CNBD1: variants seen among roughly 807,000 people sequenced by gnomAD.
The protein encoded by CNBD1 is cyclic nucleotide binding domain containing 1.
Under a neutral mutation model 54.4 loss-of-function variants are expected in CNBD1, and 71 were observed. The ratio of observed to expected loss-of-function variants is 1.30; its 90% confidence interval spans 1.08 to 1.59. CNBD1 has a LOEUF of 1.59. Ranked by LOEUF, CNBD1 falls within the 40% of genes most tolerant of loss-of-function variation. CNBD1 has a pLI of 0.00. For synonymous variants in CNBD1, 182 were observed against 170.7 expected (o/e 1.07, Z -0.51); for missense variants, 659 against 518.0 (o/e 1.27, Z -2.64).
chr8:87,153,194 G>A (rs1812643294), intron 4 of CNBD1, among the ~76,000 whole-genome samples: 1 of 152,140 alleles, frequency 6.6e-6, no homozygotes, highest in Admixed American at 6.5e-5. Context: ...AATATTGAAA[G>A]GTGATGGAGA....
At chr8:87,092,455 ATATG>A (rs1411905207) in intron 4 of CNBD1, among the ~76,000 whole-genome samples, 7 of 135,608 alleles carry the variant, frequency 5.2e-5, no homozygotes, top group Admixed American at 4.2e-4. Context: ...ATATATACAC[ATATG>A]TGTGTGTGTG....
chr8:86,973,556 A>G (rs1242170604), intron 4 of CNBD1, among the ~76,000 whole-genome samples: 2 of 152,206 alleles, frequency 1.3e-5, no homozygotes, highest in Non-Finnish European at 2.9e-5. Flanking sequence ...TATTATTAGG[A>G]GTTAGCTCAT....
At chr8:86,936,794 G>A (rs1396562603) in intron 3 of CNBD1, among the ~76,000 whole-genome samples, 1 of 151,246 alleles carries the variant, frequency 6.6e-6, no homozygotes, top group African/African-American at 2.4e-5. Context: ...TAAAGAATTA[G>A]GTTACCAAAT....
At chr8:87,302,625 G>T (rs1280389477) in intron 8 of CNBD1, among the ~76,000 whole-genome samples, 1 of 151,880 alleles carries the variant, frequency 6.6e-6, no homozygotes, top group Non-Finnish European at 1.5e-5. Context: ...AGTGTTGGAA[G>T]TTCTGGCCAG....
rs552810651 is a variant in CNBD1, at chr8:86,981,789, G to T, written c.431+42035G>T. On this transcript the variant is annotated intron_variant, in intron 4 of 10. Transcript: ENST00000518476. ...CCATAGTATGGATATACTGTAATTTGTTCATCCATTAGACAAGTTATGGTC... is the reference window on the plus strand; with the variant it reads ...CCATAGTATGGATATACTGTAATTTTTTCATCCATTAGACAAGTTATGGTC... 7.2e-5 allele frequency among the ~76,000 whole-genome samples: 11 copies of T among 152,092 alleles called. No individual in the cohort carries two copies. In the South Asian group the frequency reaches 2.3e-3, roughly 32 times the overall value.
intron 5 of CNBD1, among the ~76,000 whole-genome samples, chr8:87,209,361 A>AT (rs1814045203): frequency 6.6e-6 from 1 of 152,174 alleles, no homozygotes; most frequent in South Asian, 2.1e-4. Context: ...ACATACAAAA[A>AT]TTAGTAGTGT....
intron 2 of CNBD1, chr8:87,428,493 A>ATTTG (rs2130999380): frequency 3.4e-6 from 1 of 296,960 alleles, no homozygotes. Flanking sequence ...TGCTCTTTTT[A>ATTTG]TGAAGATTAT....
chr8:87,010,401 T>C (rs1452122037), intron 4 of CNBD1, among the ~76,000 whole-genome samples: 3 of 152,180 alleles, frequency 2.0e-5, no homozygotes. Flanking sequence ...TACTAGGTTC[T>C]TTTTTTCTGT....
chr8:87,339,729 T>G (rs1810026885), intron 8 of CNBD1, among the ~76,000 whole-genome samples: 1 of 152,288 alleles, frequency 6.6e-6, no homozygotes, highest in South Asian at 2.1e-4. Flanking sequence ...ATAAAACACC[T>G]TATAGTTATA....
rs138474904 is a variant in CNBD1 at position 87,295,626 on chromosome 8, C to T, written c.1042+8955C>T. Among the ~76,000 whole-genome samples the T allele has an allele frequency of 7.7e-3, 1,174 of 152,128 alleles. 17 individuals are homozygous for T. Among genetic ancestry groups the T allele is most frequent in the African/African-American group, 0.027 (1,110 of 41,522 alleles). The stretch of plus-strand genomic sequence containing the variant: ...CTGAAGCTCTTTATAGAGCTCTTTT[C>T]TCTACCTCTTTCTACTTCTCACAAA... On this transcript the variant is annotated intron_variant, in intron 8 of 10. Coordinates refer to ENST00000518476, the MANE Select transcript of CNBD1 (RefSeq NM_173538.3).
intron 8 of CNBD1, among the ~76,000 whole-genome samples, chr8:87,337,064 G>T (rs1002192814): frequency 1.3e-5 from 2 of 152,128 alleles, no homozygotes. Flanking sequence ...GCAAAGATGG[G>T]TGCCTGCTCC....
chr8:87,344,977 T>A (rs548061769), intron 8 of CNBD1, among the ~76,000 whole-genome samples: 1 of 152,154 alleles, frequency 6.6e-6, no homozygotes, highest in Non-Finnish European at 1.5e-5. Flanking sequence ...ACATAGAAAC[T>A]TCTCCTTTTG....
chr8:86,946,913 C>A (rs539808596), intron 4 of CNBD1, among the ~76,000 whole-genome samples: 1 of 152,258 alleles, frequency 6.6e-6, no homozygotes, highest in African/African-American at 2.4e-5. Flanking sequence ...GACTTAGTTT[C>A]ACATACATGC....
chr8:86,962,832 A>G (rs1436005839), intron 4 of CNBD1, among the ~76,000 whole-genome samples: 2 of 152,180 alleles, frequency 1.3e-5, no homozygotes, highest in South Asian at 2.1e-4. Context: ...TAGAAATCTG[A>G]CTGGCAAGAA....
intron 6 of CNBD1, among the ~76,000 whole-genome samples, chr8:87,242,248 G>A (rs570952088): frequency 2.0e-4 from 30 of 152,180 alleles, no homozygotes; most frequent in South Asian, 1.2e-3. Flanking sequence ...TGTCTCTTGT[G>A]GGGAAAATCA....
chr8:87,086,132 A>G (rs1239838416), intron 4 of CNBD1, among the ~76,000 whole-genome samples: 1 of 152,086 alleles, frequency 6.6e-6, no homozygotes, highest in African/African-American at 2.4e-5. Context: ...AATGGGTTTG[A>G]ATTCTTGAAT....
At chr8:87,187,283 T>C (rs1039740175) in intron 4 of CNBD1, among the ~76,000 whole-genome samples, 1 of 152,058 alleles carries the variant, frequency 6.6e-6, no homozygotes, top group African/African-American at 2.4e-5. Context: ...TCTATCTACC[T>C]ATCTATCCAT....
chr8:87,040,258 T>C (rs1323559387), intron 4 of CNBD1, among the ~76,000 whole-genome samples: 3 of 152,210 alleles, frequency 2.0e-5, no homozygotes, highest in Admixed American at 6.5e-5. Context: ...TAATTTGGGC[T>C]ATGCCCAGGA....
At chr8:87,086,431 G>A (rs561675884) in intron 4 of CNBD1, among the ~76,000 whole-genome samples, 3 of 152,222 alleles carry the variant, frequency 2.0e-5, no homozygotes, top group East Asian at 3.9e-4. Flanking sequence ...GGTGGGAGAG[G>A]CATTCTTTCC....
Sources: gnomAD v4.1 joint callset for allele counts (sites outside exome capture counted in the v4.1 genomes callset) on GRCh38, gnomAD v4.1.1 for gene constraint, MANE v1.5 for transcripts, NCBI Gene and HGNC (gene_info 2026-07-23, HGNC 2026-07-21) for gene names.